The following R3HDM4 variants were observed in gnomAD, a reference collection of about 807,000 sequenced individuals.
R3HDM4 encodes the protein R3H domain containing 4.
In R3HDM4, 30 loss-of-function variants were observed where a neutral mutation model predicts 31.3. The ratio of observed to expected loss-of-function variants is 0.96; its 90% CI spans 0.72 to 1.30. R3HDM4 has a LOEUF of 1.30. Among genes scored for constraint, R3HDM4 ranks in the 50% most tolerant of loss-of-function variants. R3HDM4 has a pLI of 0.00. For synonymous variants in R3HDM4, 196 were observed against 156.6 expected (o/e 1.25, Z -1.88); for missense variants, 444 against 366.1 (o/e 1.21, Z -1.74).
At chr19:900,979 T>C in intron 3 of R3HDM4, 27 bp from the exon 4 acceptor site, 2 of 1,540,042 alleles carry the variant, frequency 1.3e-6, no homozygotes, top group Non-Finnish European at 1.8e-6. Context: ...GAGGCAGGCT[T>C]GCCATGAAAC....
Position 913,217 on chromosome 19 carries a change from A to G in R3HDM4, c.-60T>C. ...AGGGCCTTCACCGGGCCGGGCAGGA[A>G]GTGACGGGCGCCCGGAGGCGGGCAG... On this transcript the variant is annotated 5_prime_UTR_variant, in exon 1 of 8. Transcript: ENST00000361574. The surrounding 1 kb of genome is among the most constrained non-coding windows in gnomAD (Gnocchi z 5.0). The G allele has an allele frequency of 9.7e-7, 1 of 1,036,178 alleles. No homozygotes were observed. The highest frequency in any genetic ancestry group is 7.9e-5 in the East Asian group (1 of 12,604). The allele number at this position is 1,036,178 out of a possible 1,614,324, so 64.2% of individuals were successfully genotyped here.
At chr19:912,867 G>A (rs1317830460) in intron 1 of R3HDM4, among the ~76,000 whole-genome samples, 2 of 151,794 alleles carry the variant, frequency 1.3e-5, no homozygotes, top group Admixed American at 1.3e-4. Flanking sequence ...TCCCCGCTGA[G>A]TAACAATGAA....
At position 907,030 on chromosome 19, in the gene R3HDM4, G is replaced by A. The variant is rs1381466281; in HGVS notation, c.72-4900C>T. Among the ~76,000 whole-genome samples, 1 of 151,764 alleles carries A rather than the reference G, an allele frequency of 6.6e-6. No homozygotes were observed. Among genetic ancestry groups the A allele is most frequent in the African/African-American group, 2.4e-5 (1 of 41,286 alleles). The stretch of plus-strand genomic sequence containing the variant: ...GGGGTTTCACCATGTTGGCAGGCTG[G>A]TCTTGAACTCCTGACCTTAAGTGAT... On this transcript the variant is annotated intron_variant, in intron 1 of 7. Coordinates refer to ENST00000361574, the MANE Select transcript of R3HDM4 (RefSeq NM_138774.4). This position sits in a 1 kb window ranked among gnomAD's most constrained non-coding sequence, Gnocchi z 4.1.
intron 4 of R3HDM4, 39 bp downstream of exon 4, chr19:900,790 C>G (rs1412045156): frequency 1.1e-6 from 1 of 949,630 alleles, no homozygotes. Flanking sequence ...CCCATCCATA[C>G]CCTGGCCCCA....
In R3HDM4 at chr19:897,386, G is replaced by A; in HGVS notation, c.*51C>T. Reference sequence around the variant, plus strand: ...AAAGATATTTTAGCCGAAGGTATCGGAGGGCTTGATGGCTGGGCGAGGTGG... The same window carrying A: ...AAAGATATTTTAGCCGAAGGTATCGAAGGGCTTGATGGCTGGGCGAGGTGG... On this transcript the variant is annotated 3_prime_UTR_variant, in exon 8 of 8. Coordinates refer to ENST00000361574, the MANE Select transcript of R3HDM4 (RefSeq NM_138774.4). 7.4e-7 allele frequency: 1 copy of A among 1,354,964 alleles called. No individual in the cohort carries two copies. The highest frequency in any genetic ancestry group is 1.0e-6 in the Non-Finnish European group (1 of 981,940). 83.9% of individuals were successfully genotyped at this position (1,354,964 alleles called of 1,614,324 possible).
At chr19:909,927 G>A (rs1255628930) in intron 1 of R3HDM4, among the ~76,000 whole-genome samples, 1 of 152,350 alleles carries the variant, frequency 6.6e-6, no homozygotes, top group Non-Finnish European at 1.5e-5. Context: ...GCTCACGCCT[G>A]TAATCCCAGC....
Position 907,871 on chromosome 19 carries a change from C to G in R3HDM4, c.71+5216G>C, listed in dbSNP as rs543475491. On this transcript the variant is annotated intron_variant, in intron 1 of 7. Coordinates refer to ENST00000361574, the MANE Select transcript of R3HDM4 (RefSeq NM_138774.4). The surrounding 1 kb of genome is among the most constrained non-coding windows in gnomAD (Gnocchi z 4.1). ...GCTGAGCACTGGAAATCGAGTCCCA[C>G]CATCAGATGGAGCTGGCTGACTTCA... 3.3e-4 allele frequency among the ~76,000 whole-genome samples: 50 copies of G among 152,300 alleles called. No homozygotes were observed. Among genetic ancestry groups the G allele is most frequent in the African/African-American group, 1.2e-3 (49 of 41,570 alleles).
intron 1 of R3HDM4, among the ~76,000 whole-genome samples, chr19:911,008 C>T (rs1445231277): frequency 6.6e-6 from 1 of 151,946 alleles, no homozygotes; most frequent in Non-Finnish European, 1.5e-5. Flanking sequence ...GTAGTCCCAG[C>T]TACTCGGGAG....
intron 1 of R3HDM4, among the ~76,000 whole-genome samples, chr19:903,018 A>G (rs988283115): frequency 7.9e-5 from 12 of 152,218 alleles, no homozygotes; most frequent in African/African-American, 2.9e-4. Flanking sequence ...CCAAAGTCAC[A>G]CAGCAGGTGA....
At chr19:906,487 G>A (rs916945822) in intron 1 of R3HDM4, among the ~76,000 whole-genome samples, 16 of 152,102 alleles carry the variant, frequency 1.1e-4, no homozygotes, top group Non-Finnish European at 2.2e-4. Flanking sequence ...CAAAGTGCTG[G>A]GATTACGGGC....
rs575033230 is a variant in R3HDM4 at position 906,513 on chromosome 19, C to T, written c.72-4383G>A. ...GATTACGGGCATGAGCCACCGCGCC[C>T]GGCTCACCCTGCAACCTTTAACCTC... On this transcript the variant is annotated intron_variant, in intron 1 of 7. Coordinates refer to ENST00000361574, the MANE Select transcript of R3HDM4 (RefSeq NM_138774.4). 3.3e-5 allele frequency among the ~76,000 whole-genome samples: 5 copies of T among 152,218 alleles called. No individual in the cohort carries two copies. The South Asian group carries it at 6.2e-4, about 19-fold the overall frequency.
At position 900,002 on chromosome 19, in the gene R3HDM4, C is replaced by T. The variant is rs2036804144; in HGVS notation, c.561+59G>A. 6 of 1,518,442 alleles carry T rather than the reference C, an allele frequency of 4.0e-6. No homozygotes were observed. The Admixed American group carries it at 6.7e-5, about 17-fold the overall frequency. 94.1% of individuals were successfully genotyped at this position (1,518,442 alleles called of 1,614,324 possible). On this transcript the variant is annotated intron_variant, in intron 5 of 7. Coordinates refer to ENST00000361574, the MANE Select transcript of R3HDM4 (RefSeq NM_138774.4). ...CGGGTGAGAACCTGTGCCTGGGAAA[C>T]GGGCCTTCAAAAAAGACCAGGCAGG...
At chr19:898,135 C>G (rs1322983148) in intron 7 of R3HDM4, among the ~76,000 whole-genome samples, 1 of 151,824 alleles carries the variant, frequency 6.6e-6, no homozygotes, top group Admixed American at 6.6e-5. Context: ...GCCTGTAATG[C>G]CAGCACTTTG....
chr19:900,153 G>GAGTGGGGGAACA lies in R3HDM4; in HGVS notation c.476-19_476-8dup. 6.4e-7 allele frequency: 1 copy of GAGTGGGGGAACA among 1,556,772 alleles called. No individual in the cohort carries two copies. Among genetic ancestry groups the GAGTGGGGGAACA allele is most frequent in the South Asian group, 1.2e-5 (1 of 83,282 alleles). On this transcript the variant is annotated splice_region_variant and splice_polypyrimidine_tract_variant and intron_variant, in intron 4 of 7. Coordinates refer to ENST00000361574, the MANE Select transcript of R3HDM4 (RefSeq NM_138774.4). ...GGTGTATAGGCGGGGTCCTCTGCAG[G>GAGTGGGGGAACA]AGTGGGGGAACAAGGGGCAGTCTTG...
intron 1 of R3HDM4, among the ~76,000 whole-genome samples, chr19:911,314 G>A (rs1166192203): frequency 6.6e-6 from 1 of 151,932 alleles, no homozygotes; most frequent in African/African-American, 2.4e-5. Flanking sequence ...CGTGGTGGCG[G>A]GCGCCTGTAA....
chr19:899,072 G>A lies in R3HDM4; in HGVS notation c.703+368C>T, dbSNP rs780673369. Among the ~76,000 whole-genome samples the A allele has an allele frequency of 3.9e-5, 6 of 152,102 alleles. No individual in the cohort carries two copies. The highest frequency in any genetic ancestry group is 5.9e-5 in the Non-Finnish European group (4 of 68,006). Reference sequence around the variant, plus strand: ...AGGTCCCACGTGTGGTATGTGGGAGGCCTTAGAGTTAAATGCAAACCTTCC... The same window carrying A: ...AGGTCCCACGTGTGGTATGTGGGAGACCTTAGAGTTAAATGCAAACCTTCC... On this transcript the variant is annotated intron_variant, in intron 7 of 7. Transcript: ENST00000361574. This position sits in a 1 kb window ranked among gnomAD's most constrained non-coding sequence, Gnocchi z 6.8.
chr19:907,830 G>C lies in R3HDM4; in HGVS notation c.71+5257C>G, dbSNP rs1435575278. Among the ~76,000 whole-genome samples, 1 of 152,170 alleles carries C rather than the reference G, an allele frequency of 6.6e-6. No homozygotes were observed. ...ATCTGAGGGCTCGCCACCCTCCCCTGGGTCTCTAGTGCTGAGCTGAGCACT... is the reference window on the plus strand; with the variant it reads ...ATCTGAGGGCTCGCCACCCTCCCCTCGGTCTCTAGTGCTGAGCTGAGCACT... On this transcript the variant is annotated intron_variant, in intron 1 of 7. Transcript: ENST00000361574. The surrounding 1 kb of genome is among the most constrained non-coding windows in gnomAD (Gnocchi z 4.1).
chr19:901,379 C>T (rs368275354), intron 3 of R3HDM4, 43 bp downstream of exon 3: 25 of 1,579,740 alleles, frequency 1.6e-5, no homozygotes, highest in East Asian at 6.8e-5. Context: ...GGAGAACTGC[C>T]GGGGTCCCCG....
At position 899,977 on chromosome 19, in the gene R3HDM4, C is replaced by T; in HGVS notation, c.561+84G>A. ...CTGTTTCCCCTGACACGACCTGCACCGGGTGAGAACCTGTGCCTGGGAAAC... is the reference window on the plus strand; with the variant it reads ...CTGTTTCCCCTGACACGACCTGCACTGGGTGAGAACCTGTGCCTGGGAAAC... On this transcript the variant is annotated intron_variant, in intron 5 of 7. Transcript: ENST00000361574. This position sits in a 1 kb window ranked among gnomAD's most constrained non-coding sequence, Gnocchi z 6.8. 2.9e-6 allele frequency: 4 copies of T among 1,365,456 alleles called. No homozygotes were observed. Among genetic ancestry groups the T allele is most frequent in the African/African-American group, 1.4e-5 (1 of 69,840 alleles). The allele number at this position is 1,365,456 out of a possible 1,614,324, so 84.6% of individuals were successfully genotyped here.
Sources: allele counts gnomAD v4.1 joint callset (sites outside exome capture counted in the v4.1 genomes callset), GRCh38; gene constraint gnomAD v4.1.1; non-coding constraint Gnocchi (gnomAD v3.1); transcripts MANE v1.5; gene names NCBI Gene and HGNC (gene_info 2026-07-23, HGNC 2026-07-21).